Variants in ECPAS observed in about 807,000 individuals in gnomAD.
ECPAS encodes proteasome adapter and scaffold protein ECM29.
In ECPAS, 70 loss-of-function variants were observed where a neutral mutation model predicts 255.1. That is an observed-to-expected ratio of 0.27 (90% CI 0.23 to 0.33). The LOEUF is 0.33. ECPAS is among the 10% of genes least tolerant of loss of function. The probability of loss-of-function intolerance (pLI) is 1.00; values close to 1 mark genes in which losing one functional copy is unlikely to be tolerated. For missense variants in ECPAS, 1,817 were observed against 2,206.4 expected, an observed-to-expected ratio of 0.82 and a Z score of 3.54; for synonymous variants, 784 against 775.0, an observed-to-expected ratio of 1.01 and a Z score of -0.19.
chr9:111,381,215 A>G (rs2098140153), intron 35 of ECPAS, among the ~76,000 whole-genome samples: 1 of 152,174 alleles, frequency 6.6e-6, no homozygotes, highest in Non-Finnish European at 1.5e-5. Context: ...TCATTTAGAC[A>G]GAGGGCATTG....
In ECPAS at chr9:111,416,305, A is replaced by G; in HGVS notation, c.1731T>C (p.Thr577=). 6.2e-7 allele frequency: 1 copy of G among 1,613,758 alleles called. No individual in the cohort carries two copies. Among genetic ancestry groups the G allele is most frequent in the East Asian group, 2.2e-5 (1 of 44,864 alleles). The change falls in exon 18 of 50, where the codon ACT becomes ACC. Residue 577 remains threonine (T), a synonymous_variant. Coordinates refer to ENST00000684092, the MANE Select transcript of ECPAS (RefSeq NM_001364929.1). The part of the protein sequence containing the change: ...KTPVKYMTGT[T]VLPFNPAAFG... ...AGGCTGCTGGGTTAAATGGAAGGACAGTGGTCCCGGTCATGTACTTGACTG... is the reference window on the plus strand; with the variant it reads ...AGGCTGCTGGGTTAAATGGAAGGACGGTGGTCCCGGTCATGTACTTGACTG...
chr9:111,406,756 T>C lies in ECPAS; in HGVS notation c.2652+1815A>G, dbSNP rs1167916018. On this transcript the variant is annotated intron_variant, in intron 24 of 49. Coordinates refer to ENST00000684092, the MANE Select transcript of ECPAS (RefSeq NM_001364929.1). ...CTGTCTCTATAAAAAATTAAAATAT[T>C]AGCCAGGCATGGTGGCGCATGCCTG... 4.0e-5 allele frequency among the ~76,000 whole-genome samples: 6 copies of C among 148,944 alleles called. 1 individual carries two copies. The highest frequency in any genetic ancestry group is 1.3e-4 in the African/African-American group (5 of 38,996).
intron 24 of ECPAS, 23 bp from the exon 25 acceptor site, chr9:111,397,176 C>A: frequency 1.2e-6 from 2 of 1,611,546 alleles, no homozygotes; most frequent in South Asian, 2.2e-5. Context: ...AAGTAAAAAC[C>A]ATGAATGAGA....
chr9:111,385,275 ATATTT>A, intron 33 of ECPAS, 57 bp downstream of exon 33: 1 of 846,942 alleles, frequency 1.2e-6, no homozygotes, highest in Non-Finnish European at 1.8e-6. Context: ...CACAACATAA[ATATTT>A]TAATAATTCC....
chr9:111,452,879 G>T (rs2098262167), intron 2 of ECPAS, among the ~76,000 whole-genome samples: 1 of 152,104 alleles, frequency 6.6e-6, no homozygotes, highest in Non-Finnish European at 1.5e-5. Flanking sequence ...CTTGGAAAAA[G>T]GTCTGAGTTT....
rs1327499793 is a variant in ECPAS, at chr9:111,412,070, C to T, written c.2158G>A (p.Gly720Arg). 4 of 1,594,326 alleles carry T rather than the reference C, an allele frequency of 2.5e-6. No homozygotes were observed. The highest frequency in any genetic ancestry group is 3.4e-6 in the Non-Finnish European group (4 of 1,174,510). Reference protein sequence around the residue: ...FYSVVVSTVSGNELKSMIEQL... With the variant: ...FYSVVVSTVSRNELKSMIEQL... Reference sequence around the variant, plus strand: ...TCTATCATTGATTTCAACTCATTCCCCGACACTGTTGATACCACTACAGAA... The same window carrying T: ...TCTATCATTGATTTCAACTCATTCCTCGACACTGTTGATACCACTACAGAA... The change falls in exon 21 of 50, where the codon GGG (glycine) becomes AGG (arginine). Residue 720 changes from glycine (G) to arginine (R), a missense_variant. Physicochemically the swap from Gly to Arg is moderately radical, Grantham distance 125. Coordinates refer to ENST00000684092, the MANE Select transcript of ECPAS (RefSeq NM_001364929.1).
Position 111,437,044 on chromosome 9 carries a change from T to G in ECPAS, c.604A>C (p.Ser202Arg). The G allele has an allele frequency of 1.2e-6, 2 of 1,613,406 alleles. No homozygotes were observed. Among genetic ancestry groups the G allele is most frequent in the Non-Finnish European group, 1.7e-6 (2 of 1,179,684 alleles). The change falls in exon 7 of 50, where the codon AGT (serine) becomes CGT (arginine). Residue 202 changes from serine to arginine, a missense_variant. Physicochemically the swap from Ser to Arg is moderately radical, Grantham distance 110. Transcript: ENST00000684092. ...SSSAQGSSSN[S>R]GGGSGIPQPP... is the part of the protein sequence containing the mutation. ...TGTGGGATTCCAGAACCTCCGCCAC[T>G]GTTTGAAGAAGAACCCTGTGCTGAA...
Position 111,371,632 on chromosome 9 carries a change from A to G in ECPAS, c.4726T>C (p.Trp1576Arg), listed in dbSNP as rs756081876. Residue 1576 changes from tryptophan (W) to arginine (R), a missense_variant, in exon 43 of 50, where the codon TGG becomes CGG. This residue lies in a region of ECPAS where 960 missense variants were observed against 1,179.0 expected (regional missense o/e 0.81). Coordinates refer to ENST00000684092, the MANE Select transcript of ECPAS (RefSeq NM_001364929.1). ...AATGGTTCCTTTACCTTTCCTGCCCACGTTCTTCCAGCCAGGCCTTGCAGC... is the reference window on the plus strand; with the variant it reads ...AATGGTTCCTTTACCTTTCCTGCCCGCGTTCTTCCAGCCAGGCCTTGCAGC... ...ALLQGLAGRT[W>R]AGKEELLKAI... is the part of the protein sequence containing the mutation. 1.2e-6 allele frequency: 2 copies of G among 1,613,604 alleles called. No homozygotes were observed. Among genetic ancestry groups the G allele is most frequent in the Admixed American group, 1.7e-5 (1 of 60,006 alleles).
At chr9:111,392,673 C>A (rs2098161986) in intron 28 of ECPAS, 95 bp downstream of exon 28, 1 of 824,706 alleles carries the variant, frequency 1.2e-6, no homozygotes, top group Non-Finnish European at 1.9e-6. Context: ...TAAACCAAAA[C>A]ATGGAAAGCC....
intron 25 of ECPAS, among the ~76,000 whole-genome samples, chr9:111,394,931 GCTCTT>G (rs892839033): frequency 2.0e-5 from 3 of 152,098 alleles, no homozygotes; most frequent in Non-Finnish European, 2.9e-5. Flanking sequence ...TTCAAACTTT[GCTCTT>G]CTCTTTTTTG....
At position 111,410,894 on chromosome 9, in the gene ECPAS, C is replaced by T. The variant is rs2098193160; in HGVS notation, c.2377+86G>A. ...AGCTTGTGTCTTTTCAAATACAATG[C>T]CATAAAAAGAAACTGAAACGCCATA... On this transcript the variant is annotated intron_variant, in intron 22 of 49. Coordinates refer to ENST00000684092, the MANE Select transcript of ECPAS (RefSeq NM_001364929.1). 3.9e-6 allele frequency: 5 copies of T among 1,290,354 alleles called. No homozygotes were observed. In the African/African-American group the frequency reaches 7.5e-5, roughly 19 times the overall value. 79.9% of individuals were successfully genotyped at this position (1,290,354 alleles called of 1,614,324 possible).
intron 24 of ECPAS, among the ~76,000 whole-genome samples, chr9:111,400,116 C>T (rs1309795598): frequency 6.6e-6 from 1 of 152,206 alleles, no homozygotes; most frequent in Non-Finnish European, 1.5e-5. Flanking sequence ...CCTGGGAACC[C>T]AGAGAATGTT....
chr9:111,472,886 A>C lies in ECPAS; in HGVS notation c.22+11T>G. 8.8e-7 allele frequency: 1 copy of C among 1,130,686 alleles called. No homozygotes were observed. Among genetic ancestry groups the C allele is most frequent in the South Asian group, 1.5e-5 (1 of 65,090 alleles). 70.0% of individuals were successfully genotyped at this position (1,130,686 alleles called of 1,614,324 possible). On this transcript the variant is annotated intron_variant, in intron 2 of 49. Coordinates refer to ENST00000684092, the MANE Select transcript of ECPAS (RefSeq NM_001364929.1). Reference sequence around the variant, plus strand: ...AAAATGCACACATCCTAAGGAACTAAATCTACTAACCTCTACAATCAATGT... The same window carrying C: ...AAAATGCACACATCCTAAGGAACTACATCTACTAACCTCTACAATCAATGT...
chr9:111,366,098 AC>A, intron 48 of ECPAS, 140 bp downstream of exon 48: 1 of 585,578 alleles, frequency 1.7e-6, no homozygotes, highest in South Asian at 2.4e-5. Context: ...GTTAAGGGGT[AC>A]ACATGGAGTA....
chr9:111,467,879 A>T (rs1039033451), intron 2 of ECPAS, among the ~76,000 whole-genome samples: 1 of 152,168 alleles, frequency 6.6e-6, no homozygotes, highest in African/African-American at 2.4e-5. Context: ...CACCTAACTG[A>T]CCTGCCAGAG....
chr9:111,416,658 A>C (rs2098204035), intron 17 of ECPAS, among the ~76,000 whole-genome samples: 2 of 152,184 alleles, frequency 1.3e-5, no homozygotes, highest in Admixed American at 1.3e-4. Flanking sequence ...TAATAATCAA[A>C]GTAGGAGGAA....
chr9:111,450,501 T>C (rs746888114), intron 3 of ECPAS, among the ~76,000 whole-genome samples: 8 of 152,200 alleles, frequency 5.3e-5, no homozygotes, highest in Non-Finnish European at 8.8e-5. Flanking sequence ...TCACTGCCAA[T>C]TACTGTGGCC....
chr9:111,461,697 C>G (rs1029463515), intron 2 of ECPAS, among the ~76,000 whole-genome samples: 2 of 152,114 alleles, frequency 1.3e-5, no homozygotes, highest in Non-Finnish European at 2.9e-5. Flanking sequence ...TAATCCCTAC[C>G]TCACACCATA....
At chr9:111,421,525 G>C (rs2098213919) in intron 15 of ECPAS, among the ~76,000 whole-genome samples, 1 of 151,520 alleles carries the variant, frequency 6.6e-6, no homozygotes, top group African/African-American at 2.4e-5. Flanking sequence ...ATGTATGATA[G>C]TACTGGCTCA....
Sources: allele counts gnomAD v4.1 joint callset (sites outside exome capture counted in the v4.1 genomes callset), GRCh38; gene constraint gnomAD v4.1.1; regional missense constraint gnomAD v4.1.1; transcripts MANE v1.5; gene names NCBI Gene and HGNC (gene_info 2026-07-23, HGNC 2026-07-21).